Variants in KCNB2 observed in about 807,000 individuals in gnomAD.
KCNB2 encodes the protein delayed rectifier potassium channel protein.
In KCNB2, 15 loss-of-function variants were observed where a neutral mutation model predicts 61.5. That is an observed-to-expected ratio of 0.24 (90% CI 0.16 to 0.38). The LOEUF is 0.38. Among genes scored for constraint, KCNB2 ranks in the 10% least tolerant of loss-of-function variants. The pLI is 1.00. For synonymous variants in KCNB2, 457 were observed against 446.0 expected (o/e 1.02, Z -0.31); for missense variants, 828 against 1,125.2 (o/e 0.74, Z 3.78).
intron 2 of KCNB2, among the ~76,000 whole-genome samples, chr8:72,800,848 A>G (rs1809114073): frequency 6.6e-6 from 1 of 152,172 alleles, no homozygotes; most frequent in Non-Finnish European, 1.5e-5. Flanking sequence ...AATGGCTCTT[A>G]AAGTGGTAGA....
chr8:72,872,488 G>A (rs1273527963), intron 2 of KCNB2, among the ~76,000 whole-genome samples: 2 of 152,146 alleles, frequency 1.3e-5, no homozygotes, highest in Non-Finnish European at 2.9e-5. Flanking sequence ...TAGTTGTTTG[G>A]TTGTTAATCA....
chr8:72,575,045 A>G (rs1806774195), intron 2 of KCNB2, among the ~76,000 whole-genome samples: 1 of 152,210 alleles, frequency 6.6e-6, no homozygotes, highest in South Asian at 2.1e-4. Context: ...AAGAGTTTAT[A>G]GGAAATTTCC....
In KCNB2 at chr8:72,567,955, TG is replaced by T; in HGVS notation, c.223del (p.Glu75LysfsTer8). 6.2e-7 allele frequency: 1 copy of T among 1,614,024 alleles called. No individual in the cohort carries two copies. The highest frequency in any genetic ancestry group is 8.5e-7 in the Non-Finnish European group (1 of 1,179,960). On this transcript the variant is annotated frameshift_variant, in exon 2 of 3. Coordinates refer to ENST00000523207, the MANE Select transcript of KCNB2 (RefSeq NM_004770.3). LOFTEE classifies it high-confidence loss of function. ...GACTGCAACACACACGAGAGCCTCCTGGAAGTGTGCGACGACTATAATCTGA... is the reference window on the plus strand; with the variant it reads ...GACTGCAACACACACGAGAGCCTCCTGAAGTGTGCGACGACTATAATCTGA... ...LRDCNTHESL[L>X]EVCDDYNLNE...
At chr8:72,857,283 G>A (rs1810221477) in intron 2 of KCNB2, among the ~76,000 whole-genome samples, 1 of 152,148 alleles carries the variant, frequency 6.6e-6, no homozygotes, top group African/African-American at 2.4e-5. Flanking sequence ...GAGTCATTGA[G>A]GTGAGAACTG....
At chr8:72,893,100 TAA>T (rs750720798) in intron 2 of KCNB2, among the ~76,000 whole-genome samples, 3 of 137,968 alleles carry the variant, frequency 2.2e-5, no homozygotes, top group Non-Finnish European at 1.6e-5. Flanking sequence ...GCAAGTTGAT[TAA>T]AAAAAAAAAA....
At chr8:72,816,732 G>A (rs139273298) in intron 2 of KCNB2, among the ~76,000 whole-genome samples, 158 of 152,234 alleles carry the variant, frequency 1.0e-3, no homozygotes, top group African/African-American at 3.5e-3. Context: ...TTCTAGGAGC[G>A]TCTTCATTTT....
rs777077261 is a variant in KCNB2, at chr8:72,937,634, C to A, written c.2279C>A (p.Thr760Asn). 6.5e-5 allele frequency: 105 copies of A among 1,614,054 alleles called. No individual in the cohort carries two copies. The East Asian group carries it at 2.1e-3, about 32-fold the overall frequency. ...QHISTILLEE[T>N]PSQGDRPLLG... is the part of the protein sequence containing the mutation. ...ATCAGTACCATCCTCTTAGAAGAAA[C>A]CCCCTCCCAGGGAGACAGACCCTTG... Residue 760 changes from threonine to asparagine, a missense_variant, in exon 3 of 3, where the codon ACC becomes AAC. Coordinates refer to ENST00000523207, the MANE Select transcript of KCNB2 (RefSeq NM_004770.3).
chr8:72,688,540 G>T (rs7835644), intron 2 of KCNB2, among the ~76,000 whole-genome samples: 20 of 151,910 alleles, frequency 1.3e-4, no homozygotes, highest in Admixed American at 8.5e-4. Flanking sequence ...CTTAGTGTTT[G>T]TCTGTCTCCC....
chr8:72,779,886 G>A (rs2251898), intron 2 of KCNB2, among the ~76,000 whole-genome samples: 102,897 of 152,008 alleles, frequency 0.68, 35,418 homozygotes, highest in African/African-American at 0.8. Context: ...ATCCACCACT[G>A]CGTTTCAGGA....
chr8:72,623,874 C>T (rs1234221760), intron 2 of KCNB2, among the ~76,000 whole-genome samples: 1 of 152,190 alleles, frequency 6.6e-6, no homozygotes, highest in African/African-American at 2.4e-5. Flanking sequence ...GCCCCAAAGA[C>T]AGGCTCTCAT....
At chr8:72,662,536 A>G (rs1806398584) in intron 2 of KCNB2, among the ~76,000 whole-genome samples, 1 of 152,202 alleles carries the variant, frequency 6.6e-6, no homozygotes, top group Admixed American at 6.5e-5. Flanking sequence ...GGCAACTAAG[A>G]GCAGCAATGT....
chr8:72,845,286 T>C lies in KCNB2; in HGVS notation c.580-90649T>C, dbSNP rs189784100. Reference sequence around the variant, plus strand: ...GCGGAGGCTGCAGAACAGCAAAGATTGCTGCCTGTTCCTTCCTCCAGAAGC... The same window carrying C: ...GCGGAGGCTGCAGAACAGCAAAGATCGCTGCCTGTTCCTTCCTCCAGAAGC... On this transcript the variant is annotated intron_variant, in intron 2 of 2. Coordinates refer to ENST00000523207, the MANE Select transcript of KCNB2 (RefSeq NM_004770.3). Among the ~76,000 whole-genome samples the C allele has an allele frequency of 2.6e-5, 4 of 152,318 alleles. No homozygotes were observed. In the East Asian group the frequency reaches 7.7e-4, roughly 29 times the overall value.
At chr8:72,870,913 G>T (rs1805605524) in intron 2 of KCNB2, among the ~76,000 whole-genome samples, 1 of 152,176 alleles carries the variant, frequency 6.6e-6, no homozygotes, top group Admixed American at 6.5e-5. Context: ...GAAGGCAGAG[G>T]TTGCAGTGAG....
chr8:72,768,438 G>T (rs1055886381), intron 2 of KCNB2, among the ~76,000 whole-genome samples: 3 of 152,094 alleles, frequency 2.0e-5, no homozygotes, highest in African/African-American at 4.8e-5. Context: ...GCCTCCCAAA[G>T]TGCTGGGAAT....
chr8:72,926,209 T>A (rs575632547), intron 2 of KCNB2, among the ~76,000 whole-genome samples: 108 of 152,156 alleles, frequency 7.1e-4, no homozygotes, highest in African/African-American at 2.3e-3. Flanking sequence ...ATGTAACAAA[T>A]CTGCACATCC....
chr8:72,923,120 A>C (rs1298288694), intron 2 of KCNB2, among the ~76,000 whole-genome samples: 1 of 152,080 alleles, frequency 6.6e-6, no homozygotes, highest in African/African-American at 2.4e-5. Flanking sequence ...GGAATCAATA[A>C]AAGGGACTGT....
At position 72,748,429 on chromosome 8, in the gene KCNB2, C is replaced by T. The variant is rs1029697645; in HGVS notation, c.579+180116C>T. On this transcript the variant is annotated intron_variant, in intron 2 of 2. Transcript: ENST00000523207. ...TTAGAGGAGCAAACTGTCATTGATT[C>T]GTTTTATAATATTGAATTTTGTCAT... Among the ~76,000 whole-genome samples, 52 of 151,960 alleles carry T rather than the reference C, an allele frequency of 3.4e-4. 1 individual carries two copies. Among genetic ancestry groups the T allele is most frequent in the Admixed American group, 3.3e-3 (51 of 15,248 alleles).
At chr8:72,544,190 A>G (rs113854249) in intron 1 of KCNB2, among the ~76,000 whole-genome samples, 7 of 152,296 alleles carry the variant, frequency 4.6e-5, no homozygotes, top group African/African-American at 1.7e-4. Flanking sequence ...GGCAGAAGGA[A>G]CAGCATTTGC....
chr8:72,713,040 C>T (rs1014417828), intron 2 of KCNB2, among the ~76,000 whole-genome samples: 11 of 152,216 alleles, frequency 7.2e-5, no homozygotes, highest in East Asian at 5.8e-4. Context: ...GAGGGTCCTA[C>T]GCCCACGGAG....
Sources: allele counts gnomAD v4.1 joint callset (sites outside exome capture counted in the v4.1 genomes callset), GRCh38; gene constraint gnomAD v4.1.1; transcripts MANE v1.5; gene names NCBI Gene and HGNC (gene_info 2026-07-23, HGNC 2026-07-21).